The following SMG1 variants were observed in gnomAD, a reference collection of about 807,000 sequenced individuals.
SMG1 encodes the protein serine/threonine-protein kinase SMG1.
Under a neutral mutation model 419.9 loss-of-function variants are expected in SMG1, and 22 were observed. The observed-to-expected ratio is 0.05, with a 90% confidence interval of 0.04 to 0.07. SMG1 has a LOEUF of 0.07. Ranked by LOEUF, SMG1 falls within the 10% of genes least tolerant of loss-of-function variation. SMG1 has a pLI of 1.00. For synonymous variants in SMG1, 1,538 were observed against 1,553.5 expected (o/e 0.99, Z 0.23); for missense variants, 3,185 against 4,342.0 (o/e 0.73, Z 7.49).
At chr16:18,893,483 G>A (rs545930625) in intron 3 of SMG1, among the ~76,000 whole-genome samples, 15 of 152,248 alleles carry the variant, frequency 9.9e-5, no homozygotes, top group Non-Finnish European at 2.2e-4. Flanking sequence ...AAATTAGCTG[G>A]GCATAGTGGC....
At chr16:18,838,894 T>C (rs1463841164) in intron 42 of SMG1, among the ~76,000 whole-genome samples, 2 of 152,252 alleles carry the variant, frequency 1.3e-5, no homozygotes, top group African/African-American at 4.8e-5. Context: ...TCCTAGTTAA[T>C]CAGCTATCAG....
intron 1 of SMG1, among the ~76,000 whole-genome samples, chr16:18,921,137 CAAAAAAA>C (rs548882021): frequency 1.3e-5 from 1 of 77,716 alleles, no homozygotes; most frequent in African/African-American, 4.7e-5. Flanking sequence ...AACTCTGTCT[CAAAAAAA>C]AAAAAAAAAA....
At chr16:18,908,419 T>A (rs1596645005) in intron 1 of SMG1, among the ~76,000 whole-genome samples, 3 of 117,876 alleles carry the variant, frequency 2.5e-5, no homozygotes, top group African/African-American at 3.4e-5. Flanking sequence ...TAAGAATCAC[T>A]AAGAGTTACA....
At chr16:18,907,456 A>G (rs2037608643) in intron 1 of SMG1, among the ~76,000 whole-genome samples, 1 of 152,030 alleles carries the variant, frequency 6.6e-6, no homozygotes, top group Admixed American at 6.6e-5. Context: ...CCTGGGCTCA[A>G]GAGATCCTCT....
Position 18,853,732 on chromosome 16 carries a change from G to A in SMG1, c.4619C>T (p.Ser1540Leu). 1 of 1,613,922 alleles carries A rather than the reference G, an allele frequency of 6.2e-7. No homozygotes were observed. Among genetic ancestry groups the A allele is most frequent in the Non-Finnish European group, 8.5e-7 (1 of 1,179,858 alleles). The part of the protein sequence containing the change: ...KWIQAEWKEI[S>L]GQLKQVYRAQ... ...TCTGTAAACCTGTTTCAGCTGTCCT[G>A]AAATCTCTTTCCATTCTGCCTGGAT... The change falls in exon 31 of 63, where the codon TCA becomes TTA. Residue 1540 changes from serine (S) to leucine (L), a missense_variant. Ser to Leu is a moderately radical substitution (Grantham distance 145, BLOSUM62 -2). Around this residue, in one of 27 missense-constraint regions of SMG1, gnomAD observed 493 missense variants for 552.9 expected, o/e 0.89. Coordinates refer to ENST00000446231, the MANE Select transcript of SMG1 (RefSeq NM_015092.5).
At chr16:18,852,520 T>C in intron 31 of SMG1, 58 bp from the exon 32 acceptor site, 1 of 1,349,378 alleles carries the variant, frequency 7.4e-7, no homozygotes, top group Admixed American at 3.3e-5. Context: ...GTTACATTCA[T>C]AAATTCCTAA....
At chr16:18,882,906 A>G (rs2141720780) in intron 9 of SMG1, among the ~76,000 whole-genome samples, 1 of 152,360 alleles carries the variant, frequency 6.6e-6, no homozygotes, top group East Asian at 1.9e-4. Flanking sequence ...AACAGAAGAG[A>G]ATGAGATCTT....
At chr16:18,834,558 C>T in intron 49 of SMG1, 120 bp from the exon 50 acceptor site, 1 of 924,852 alleles carries the variant, frequency 1.1e-6, no homozygotes. Flanking sequence ...AGGTAGATGA[C>T]TTCAGGCCAG....
chr16:18,915,398 C>G (rs974184700), intron 1 of SMG1, among the ~76,000 whole-genome samples: 1 of 152,136 alleles, frequency 6.6e-6, no homozygotes, highest in Non-Finnish European at 1.5e-5. Flanking sequence ...ATAAGAGGAA[C>G]GCTTTCCCCA....
intron 25 of SMG1, among the ~76,000 whole-genome samples, chr16:18,862,078 C>T (rs567529210): frequency 6.6e-6 from 1 of 152,286 alleles, no homozygotes; most frequent in Non-Finnish European, 1.5e-5. Flanking sequence ...GAAAAACTCA[C>T]TGACCAAATA....
rs754983053 is a variant in SMG1 at position 18,859,540 on chromosome 16, G to A, written c.3953+16C>T. On this transcript the variant is annotated intron_variant, in intron 27 of 62. Coordinates refer to ENST00000446231, the MANE Select transcript of SMG1 (RefSeq NM_015092.5). ...ATATACACAATGTACATTTACCTCC[G>A]TAAGAGTAAACTTACTCAGTTATAG... The A allele has an allele frequency of 1.3e-5, 18 of 1,424,068 alleles. No individual in the cohort carries two copies. Among genetic ancestry groups the A allele is most frequent in the East Asian group, 4.6e-5 (2 of 43,456 alleles). The allele number at this position is 1,424,068 out of a possible 1,614,324, so 88.2% of individuals were successfully genotyped here. A position where few individuals can be genotyped will look rare whatever the true frequency, so the allele number is the denominator to read the frequency against.
In SMG1 at chr16:18,852,080, G is replaced by A. The variant is rs201882156; in HGVS notation, c.5039C>T (p.Pro1680Leu). 16 of 1,608,274 alleles carry A rather than the reference G, an allele frequency of 9.9e-6. No individual in the cohort carries two copies. Among genetic ancestry groups the A allele is most frequent in the African/African-American group, 2.7e-5 (2 of 74,754 alleles). Residue 1680 changes from proline (P) to leucine (L), a missense_variant, in exon 33 of 63, where the codon CCG becomes CTG. By Grantham distance (98) the Pro-to-Leu change is moderately conservative (BLOSUM62 -3). Transcript: ENST00000446231. Reference protein sequence around the residue: ...YGILGQAVCRPAGIQDEDITL... With the variant: ...YGILGQAVCRLAGIQDEDITL... Reference sequence around the variant, plus strand: ...TGTTTTCCTTGCCTGAATCCCCGCCGGCCGACACACAGCCTGTCCAAGAAT... The same window carrying A: ...TGTTTTCCTTGCCTGAATCCCCGCCAGCCGACACACAGCCTGTCCAAGAAT...
At chr16:18,833,548 G>C (rs1458525827) in intron 50 of SMG1, among the ~76,000 whole-genome samples, 1 of 145,842 alleles carries the variant, frequency 6.9e-6, no homozygotes, top group African/African-American at 2.5e-5. Flanking sequence ...TTGGTTATAA[G>C]TGGCTTCTAT....
chr16:18,922,327 C>G (rs2038228769), intron 1 of SMG1, among the ~76,000 whole-genome samples: 1 of 152,118 alleles, frequency 6.6e-6, no homozygotes, highest in Non-Finnish European at 1.5e-5. Flanking sequence ...GTCAGATATC[C>G]CTTTGTTCTA....
chr16:18,840,033 T>C, intron 41 of SMG1, 87 bp from the exon 42 acceptor site: 7 of 1,101,308 alleles, frequency 6.4e-6, no homozygotes, highest in Non-Finnish European at 7.7e-6. Context: ...GTAGAATTTT[T>C]AAAAATGATT....
chr16:18,907,044 G>T lies in SMG1; in HGVS notation c.93-10088C>A, dbSNP rs186602683. Among the ~76,000 whole-genome samples the T allele has an allele frequency of 3.2e-3, 485 of 152,300 alleles. 3 individuals are homozygous for T. The highest frequency in any genetic ancestry group is 5.4e-3 in the Non-Finnish European group (366 of 68,030). ...CACGCCTGTAATCCCAGCACTTTGG[G>T]AGGCTGAGGCGGATGGATCACTTGA... On this transcript the variant is annotated intron_variant, in intron 1 of 62. Transcript: ENST00000446231.
chr16:18,873,465 G>A (rs1281956663), intron 13 of SMG1, among the ~76,000 whole-genome samples: 1 of 152,112 alleles, frequency 6.6e-6, no homozygotes, highest in Non-Finnish European at 1.5e-5. Flanking sequence ...CAGGTGATCT[G>A]CCCCCCTCGG....
chr16:18,834,556 G>A (rs2033429408), intron 49 of SMG1, 118 bp from the exon 50 acceptor site: 1 of 934,356 alleles, frequency 1.1e-6, no homozygotes, highest in African/African-American at 1.7e-5. Context: ...GCAGGTAGAT[G>A]ACTTCAGGCC....
chr16:18,844,767 G>T (rs180970012), intron 39 of SMG1, among the ~76,000 whole-genome samples: 1 of 152,070 alleles, frequency 6.6e-6, no homozygotes, highest in African/African-American at 2.4e-5. Context: ...AAGGAAATCA[G>T]TTAGGAGCAA....
Sources: gnomAD v4.1 joint callset for allele counts (sites outside exome capture counted in the v4.1 genomes callset) on GRCh38, gnomAD v4.1.1 for gene constraint, gnomAD v4.1.1 regional missense constraint, MANE v1.5 for transcripts, NCBI Gene and HGNC (gene_info 2026-07-23, HGNC 2026-07-21) for gene names.